CDIN1: variants seen among roughly 807,000 people sequenced by gnomAD.
The protein encoded by CDIN1 is CDAN1 interacting nuclease 1.
Under a neutral mutation model 45.3 loss-of-function variants are expected in CDIN1, and 33 were observed. That is an observed-to-expected ratio of 0.73 (90% CI 0.55 to 0.97). The LOEUF (loss-of-function observed/expected upper bound fraction) is 0.97. Among genes scored for constraint, CDIN1 ranks in the 50% least tolerant of loss-of-function variants. The pLI, the probability that CDIN1 is intolerant of heterozygous loss-of-function variation, is 0.00. For missense variants in CDIN1, 303 were observed against 339.4 expected (o/e 0.89, Z 0.84); for synonymous variants, 118 against 124.4 (o/e 0.95, Z 0.34).
chr15:36,678,818 C>T lies in CDIN1; in HGVS notation c.347-12867C>T, dbSNP rs74806555. On this transcript the variant is annotated intron_variant, in intron 5 of 10. Transcript: ENST00000566621. ...CATTCTTTGCAGTAGGCAGGACTTT[C>T]GGGATCTTGAGAGCGCAGATGTTTC... Among the ~76,000 whole-genome samples, 248 of 152,320 alleles carry T rather than the reference C, an allele frequency of 1.6e-3. 1 individual carries two copies. Among genetic ancestry groups the T allele is most frequent in the Non-Finnish European group, 2.9e-3 (196 of 68,026 alleles).
At chr15:36,650,441 T>C (rs2040527759) in intron 3 of CDIN1, among the ~76,000 whole-genome samples, 1 of 109,938 alleles carries the variant, frequency 9.1e-6, no homozygotes, top group African/African-American at 3.5e-5. Flanking sequence ...TTTATTTATT[T>C]ATTTATTTAT....
intron 5 of CDIN1, among the ~76,000 whole-genome samples, chr15:36,681,867 C>T (rs1454623237): frequency 6.6e-6 from 1 of 152,158 alleles, no homozygotes; most frequent in South Asian, 2.1e-4. Context: ...TTACTGCTCA[C>T]GGATTTCAGA....
intron 1 of CDIN1, chr15:36,619,042 A>G (rs1473782204): frequency 7.6e-7 from 1 of 1,322,054 alleles, no homozygotes; most frequent in East Asian, 2.3e-5. Flanking sequence ...GTCTCCCACG[A>G]CAAACAAAGA....
intron 10 of CDIN1, among the ~76,000 whole-genome samples, chr15:36,792,011 C>T (rs1237395284): frequency 6.6e-6 from 1 of 152,156 alleles, no homozygotes; most frequent in Non-Finnish European, 1.5e-5. Context: ...CAGACCAGCA[C>T]GCAGGGACCT....
chr15:36,763,071 G>A (rs2053817168), intron 10 of CDIN1, among the ~76,000 whole-genome samples: 1 of 152,242 alleles, frequency 6.6e-6, no homozygotes, highest in South Asian at 2.1e-4. Flanking sequence ...TCACCACGCT[G>A]ACTTCCACAA....
chr15:36,703,401 A>ATATATATATC (rs67311485), intron 8 of CDIN1, among the ~76,000 whole-genome samples: 763 of 60,178 alleles, frequency 0.013, 128 homozygotes, highest in Non-Finnish European at 0.017. Flanking sequence ...ATATATATAT[A>ATATATATATC]TGATATACAT....
At chr15:36,690,797 G>A (rs954132808) in intron 5 of CDIN1, among the ~76,000 whole-genome samples, 6 of 152,074 alleles carry the variant, frequency 3.9e-5, no homozygotes, top group African/African-American at 1.4e-4. Flanking sequence ...TCGATACCTA[G>A]GCAACACGTG....
chr15:36,615,739 G>A (rs1019488424), intron 1 of CDIN1, among the ~76,000 whole-genome samples: 3 of 152,198 alleles, frequency 2.0e-5, no homozygotes, highest in East Asian at 1.9e-4. Flanking sequence ...ACCTACATTT[G>A]TGAATGCTTA....
chr15:36,809,148 C>T lies in CDIN1; in HGVS notation c.*695C>T. 1 of 322,198 alleles carries T rather than the reference C, an allele frequency of 3.1e-6. No individual in the cohort carries two copies. The highest frequency in any genetic ancestry group is 2.5e-5 in the South Asian group (1 of 39,420). The allele number at this position is 322,198 out of a possible 1,614,324, so 20.0% of individuals were successfully genotyped here. ...TTTTAATAATGTTATTTGAACACCACATATTTTAGATTTATCTTATTTGAA... is the reference window on the plus strand; with the variant it reads ...TTTTAATAATGTTATTTGAACACCATATATTTTAGATTTATCTTATTTGAA... On this transcript the variant is annotated 3_prime_UTR_variant, in exon 11 of 11. Coordinates refer to ENST00000566621, the MANE Select transcript of CDIN1 (RefSeq NM_001321759.2).
At chr15:36,589,000 A>G (rs1424646801) in intron 1 of CDIN1, among the ~76,000 whole-genome samples, 1 of 152,318 alleles carries the variant, frequency 6.6e-6, no homozygotes, top group South Asian at 2.1e-4. Flanking sequence ...ATCTATATTC[A>G]GGCATCAAAC....
chr15:36,593,246 C>G (rs1489788229), intron 1 of CDIN1, among the ~76,000 whole-genome samples: 2 of 152,122 alleles, frequency 1.3e-5, no homozygotes, highest in Admixed American at 1.3e-4. Flanking sequence ...AAAACCACCC[C>G]TTTCCAAGTA....
At chr15:36,684,637 T>C (rs1372203754) in intron 5 of CDIN1, among the ~76,000 whole-genome samples, 1 of 151,824 alleles carries the variant, frequency 6.6e-6, no homozygotes, top group Non-Finnish European at 1.5e-5. Context: ...TTGATTGGAA[T>C]AGTTTCAGAA....
chr15:36,644,168 A>G (rs958280449), intron 1 of CDIN1, 110 bp from the exon 2 acceptor site: 19 of 1,003,072 alleles, frequency 1.9e-5, no homozygotes, highest in East Asian at 1.0e-4. Context: ...ACTTGTTTTC[A>G]TGTTCTGTTA....
chr15:36,671,442 T>A (rs1022558760), intron 5 of CDIN1, among the ~76,000 whole-genome samples: 2 of 152,114 alleles, frequency 1.3e-5, no homozygotes, highest in Non-Finnish European at 2.9e-5. Flanking sequence ...ATATTTCCTG[T>A]CTTATTTTTT....
chr15:36,631,694 T>C (rs1276652242), intron 1 of CDIN1, among the ~76,000 whole-genome samples: 1 of 152,244 alleles, frequency 6.6e-6, no homozygotes, highest in African/African-American at 2.4e-5. Context: ...TTAGCTATTA[T>C]GTATAAAGTT....
intron 8 of CDIN1, chr15:36,707,656 T>G (rs1251637666): frequency 2.0e-5 from 3 of 152,190 alleles, no homozygotes; most frequent in African/African-American, 7.2e-5. Flanking sequence ...TCTGAAAAGG[T>G]TGATGAAGCT....
intron 10 of CDIN1, among the ~76,000 whole-genome samples, chr15:36,745,074 A>C (rs1448947982): frequency 2.6e-5 from 4 of 152,216 alleles, no homozygotes; most frequent in Admixed American, 6.5e-5. Context: ...AATGCATCTT[A>C]ATGGAAACCC....
intron 1 of CDIN1, among the ~76,000 whole-genome samples, chr15:36,599,611 T>C (rs573323773): frequency 4.3e-4 from 65 of 152,234 alleles, no homozygotes; most frequent in Non-Finnish European, 8.2e-4. Flanking sequence ...CGTGAACAGC[T>C]TAATGACTAA....
At chr15:36,719,111 A>G (rs2043319045) in intron 10 of CDIN1, among the ~76,000 whole-genome samples, 1 of 151,750 alleles carries the variant, frequency 6.6e-6, no homozygotes, top group Non-Finnish European at 1.5e-5. Context: ...AGTCCTAGCT[A>G]CTCAGAAATC....
Sources: gnomAD v4.1 joint callset for allele counts (sites outside exome capture counted in the v4.1 genomes callset) on GRCh38, gnomAD v4.1.1 for gene constraint, MANE v1.5 for transcripts, NCBI Gene and HGNC (gene_info 2026-07-23, HGNC 2026-07-21) for gene names.